SLC22A5: variants seen among roughly 807,000 people sequenced by gnomAD.
SLC22A5 encodes the protein organic cation/carnitine transporter 2.
In SLC22A5, 44 loss-of-function variants were observed where a neutral mutation model predicts 56.7. That is an observed-to-expected ratio of 0.78 (90% CI 0.61 to 1.00). SLC22A5 has a LOEUF of 1.00. Among genes scored for constraint, SLC22A5 ranks in the 50% least tolerant of loss-of-function variants. The pLI is 0.00. For synonymous variants in SLC22A5, 278 were observed against 292.1 expected (o/e 0.95, Z 0.49); for missense variants, 675 against 723.0 (o/e 0.93, Z 0.76).
At chr5:132,374,626 G>A (rs967333838) in intron 1 of SLC22A5, among the ~76,000 whole-genome samples, 8 of 152,118 alleles carry the variant, frequency 5.3e-5, no homozygotes, top group Non-Finnish European at 1.2e-4. Flanking sequence ...GGGGTCCCGT[G>A]GCCCACTATG....
At chr5:132,386,194 A>T (rs1382499331) in intron 4 of SLC22A5, among the ~76,000 whole-genome samples, 2 of 150,644 alleles carry the variant, frequency 1.3e-5, no homozygotes, top group East Asian at 3.9e-4. Flanking sequence ...AAACATGCTA[A>T]TTTTTTTCCT....
At chr5:132,372,071 G>C (rs1273959402) in intron 1 of SLC22A5, among the ~76,000 whole-genome samples, 3 of 152,324 alleles carry the variant, frequency 2.0e-5, no homozygotes, top group Non-Finnish European at 4.4e-5. Context: ...TGTGACCGGA[G>C]CCCCACTGGG....
At chr5:132,393,653 A>G (rs1276129909) in intron 8 of SLC22A5, 23 bp from the exon 9 acceptor site, 1 of 1,613,988 alleles carries the variant, frequency 6.2e-7, no homozygotes, top group Non-Finnish European at 8.5e-7. Flanking sequence ...CCTGGGCCTG[A>G]GGCTCCGTCT....
rs753804082 is a variant in SLC22A5 at position 132,390,854 on chromosome 5, C to A, written c.1217C>A (p.Ala406Asp). ...YLPRRYSMATALFLGGSVLLF... is the reference protein window; with the variant it reads ...YLPRRYSMATDLFLGGSVLLF... ...CCCCGGCGCTATTCCATGGCCACTG[C>A]CCTCTTCCTGGGTGGCAGTGTCCTT... Residue 406 changes from alanine (A) to aspartate (D), a missense_variant, in exon 7 of 10, where the codon GCC becomes GAC. Ala to Asp is a moderately radical substitution (Grantham distance 126). Transcript: ENST00000245407. 6.2e-7 allele frequency: 1 copy of A among 1,614,200 alleles called. No homozygotes were observed. Among genetic ancestry groups the A allele is most frequent in the South Asian group, 1.1e-5 (1 of 91,090 alleles).
At chr5:132,383,795 A>G (rs1031130322) in intron 2 of SLC22A5, 1 of 291,296 alleles carries the variant, frequency 3.4e-6, no homozygotes, top group East Asian at 8.3e-5. Flanking sequence ...ATTTATAATG[A>G]ATTGTTTCTC....
intron 2 of SLC22A5, chr5:132,380,440 T>TA (rs1329435589): frequency 6.6e-6 from 1 of 151,766 alleles, no homozygotes; most frequent in Non-Finnish European, 1.5e-5. Flanking sequence ...TTTGTCCTTT[T>TA]TTTTTTTTAA....
chr5:132,386,949 A>G, intron 4 of SLC22A5, 76 bp from the exon 5 acceptor site: 1 of 1,497,190 alleles, frequency 6.7e-7, no homozygotes, highest in Non-Finnish European at 9.3e-7. Flanking sequence ...ATTCCCACCT[A>G]TGGCTGTGCT....
At chr5:132,393,880 A>T in intron 9 of SLC22A5, 69 bp downstream of exon 9, 1 of 1,567,778 alleles carries the variant, frequency 6.4e-7, no homozygotes. Flanking sequence ...GGAGCCCCTC[A>T]CAATAGAGCT....
intron 1 of SLC22A5, among the ~76,000 whole-genome samples, chr5:132,374,477 G>A (rs1484840712): frequency 3.3e-5 from 5 of 152,186 alleles, no homozygotes; most frequent in Non-Finnish European, 7.3e-5. Context: ...GACCGGGGCT[G>A]ACTCTGGGCA....
chr5:132,378,153 C>G (rs758497141), intron 1 of SLC22A5: 14 of 1,565,738 alleles, frequency 8.9e-6, no homozygotes, highest in Non-Finnish European at 1.2e-5. Context: ...CTCTCCTCCT[C>G]AAAATGGAAG....
rs1290486952 is a variant in SLC22A5 at position 132,395,100 on chromosome 5, G to A, written c.*828G>A. The A allele has an allele frequency of 1.3e-5, 2 of 152,310 alleles. No homozygotes were observed. Among genetic ancestry groups the A allele is most frequent in the African/African-American group, 4.8e-5 (2 of 41,418 alleles). 9.4% of individuals were successfully genotyped at this position (152,310 alleles called of 1,614,324 possible). A position where few individuals can be genotyped will look rare whatever the true frequency, so the allele number is the denominator to read the frequency against. On this transcript the variant is annotated 3_prime_UTR_variant, in exon 10 of 10. Coordinates refer to ENST00000245407, the MANE Select transcript of SLC22A5 (RefSeq NM_003060.4). The stretch of plus-strand genomic sequence containing the variant: ...TTGTCTTTTCTCTCAAAGCTGTAAT[G>A]TGGGTTTTGTTTTATTGTTTATTTG...
chr5:132,379,373 A>T (rs1752268932), intron 2 of SLC22A5: 1 of 152,304 alleles, frequency 6.6e-6, no homozygotes, highest in African/African-American at 2.4e-5. Flanking sequence ...AAGGAGTCCC[A>T]GCATCTTCCC....
chr5:132,371,941 A>G (rs1209186124), intron 1 of SLC22A5, among the ~76,000 whole-genome samples: 2 of 152,028 alleles, frequency 1.3e-5, no homozygotes, highest in African/African-American at 2.4e-5. Flanking sequence ...TCACCCTTCA[A>G]TGGAGTCTGA....
chr5:132,394,000 A>T (rs775379264), intron 9 of SLC22A5, among the ~76,000 whole-genome samples, 185 bp from the exon 10 acceptor site: 69 of 152,178 alleles, frequency 4.5e-4, no homozygotes, highest in Admixed American at 7.9e-4. Flanking sequence ...TCCTGTGTGG[A>T]CATGTCACTA....
chr5:132,384,354 C>A, intron 3 of SLC22A5, 53 bp downstream of exon 3: 3 of 1,545,602 alleles, frequency 1.9e-6, no homozygotes, highest in South Asian at 1.1e-5. Flanking sequence ...CACCATCATC[C>A]CATCACCTAC....
chr5:132,385,451 T>C lies in SLC22A5; in HGVS notation c.776T>C (p.Leu259Pro). Reference protein sequence around the residue: ...FAYFIRDWRMLLVALTMPGVL... With the variant: ...FAYFIRDWRMPLVALTMPGVL... ...TACTTCATCCGAGACTGGCGGATGC[T>C]GCTGGTGGCGCTGACGATGCCGGGG... The change falls in exon 4 of 10, where the codon CTG becomes CCG. Residue 259 changes from leucine (L) to proline (P), a missense_variant. Leu to Pro is a moderately conservative substitution (Grantham distance 98). Coordinates refer to ENST00000245407, the MANE Select transcript of SLC22A5 (RefSeq NM_003060.4). 1 of 1,614,210 alleles carries C rather than the reference T, an allele frequency of 6.2e-7. No homozygotes were observed. Among genetic ancestry groups the C allele is most frequent in the Non-Finnish European group, 8.5e-7 (1 of 1,180,024 alleles).
In SLC22A5 at chr5:132,369,929, G is replaced by C; in HGVS notation, c.-44G>C. ...CGCGCGCACGCGCAAAGCCCGCCGCGTTCCCCGACCCCAGGCCGCGCTCTG... is the reference window on the plus strand; with the variant it reads ...CGCGCGCACGCGCAAAGCCCGCCGCCTTCCCCGACCCCAGGCCGCGCTCTG... On this transcript the variant is annotated 5_prime_UTR_variant, in exon 1 of 10. Coordinates refer to ENST00000245407, the MANE Select transcript of SLC22A5 (RefSeq NM_003060.4). The C allele has an allele frequency of 6.2e-7, 1 of 1,606,806 alleles. No individual in the cohort carries two copies. Among genetic ancestry groups the C allele is most frequent in the Non-Finnish European group, 8.5e-7 (1 of 1,177,422 alleles).
In SLC22A5 at chr5:132,370,150, A is replaced by AGC. The variant is rs1259209333; in HGVS notation, c.181_182dup (p.Trp62ProfsTer69). The AGC allele has an allele frequency of 1.9e-6, 3 of 1,609,026 alleles. No individual in the cohort carries two copies. The South Asian group carries it at 3.3e-5, about 18-fold the overall frequency. Reference sequence around the variant, plus strand: ...GGTGCCGGACGCCGCGAACCTGAGCAGCGCCTGGCGCAACCACACTGTCCC... The same window carrying AGC: ...GGTGCCGGACGCCGCGAACCTGAGCAGCGCGCCTGGCGCAACCACACTGTCCC... On this transcript the variant is annotated frameshift_variant, in exon 1 of 10. Coordinates refer to ENST00000245407, the MANE Select transcript of SLC22A5 (RefSeq NM_003060.4). LOFTEE classifies it high-confidence loss of function.
chr5:132,388,729 T>C (rs528412119), intron 5 of SLC22A5, among the ~76,000 whole-genome samples, 192 bp from the exon 6 acceptor site: 1 of 152,302 alleles, frequency 6.6e-6, no homozygotes, highest in East Asian at 1.9e-4. Flanking sequence ...CACTCTGATT[T>C]GTTACTGACA....
Sources: gnomAD v4.1 joint callset for allele counts (sites outside exome capture counted in the v4.1 genomes callset) on GRCh38, gnomAD v4.1.1 for gene constraint, MANE v1.5 for transcripts, NCBI Gene and HGNC (gene_info 2026-07-23, HGNC 2026-07-21) for gene names.